Variants in SYNPR observed in about 807,000 individuals in gnomAD.
The protein encoded by SYNPR is synaptoporin.
A neutral mutation model predicts 32.9 loss-of-function variants in SYNPR; 23 were observed. The observed-to-expected ratio is 0.70, with a 90% confidence interval of 0.50 to 0.99. SYNPR has a LOEUF of 0.99. Ranked by LOEUF, SYNPR falls within the 50% of genes least tolerant of loss-of-function variation. SYNPR has a pLI of 0.00. For missense variants in SYNPR, 318 were observed against 349.3 expected (o/e 0.91, Z 0.71); for synonymous variants, 146 against 135.9 (o/e 1.07, Z -0.52).
At chr3:63,435,386 T>C (rs1057219072) in intron 2 of SYNPR, among the ~76,000 whole-genome samples, 8 of 152,356 alleles carry the variant, frequency 5.3e-5, no homozygotes, top group East Asian at 3.9e-4. Flanking sequence ...AGCACCATTA[T>C]TGGAATTAGA....
intron 2 of SYNPR, among the ~76,000 whole-genome samples, chr3:63,441,565 C>T (rs1700173566): frequency 1.3e-5 from 2 of 152,140 alleles, no homozygotes; most frequent in Admixed American, 6.5e-5. Context: ...CACTTAAATG[C>T]CGGGTGATTC....
At chr3:63,431,834 T>TC (rs1414325002) in intron 2 of SYNPR, among the ~76,000 whole-genome samples, 1 of 98,552 alleles carries the variant, frequency 1.0e-5, no homozygotes, top group East Asian at 2.8e-4. Context: ...GTTTCCCTTT[T>TC]CTTTTTTTTT....
intron 2 of SYNPR, among the ~76,000 whole-genome samples, chr3:63,440,329 A>T (rs1416102657): frequency 6.6e-6 from 1 of 152,166 alleles, no homozygotes; most frequent in Non-Finnish European, 1.5e-5. Context: ...GATAGATGAG[A>T]GGTAGACTGC....
chr3:63,283,338 A>G (rs2086647455), intron 2 of SYNPR, among the ~76,000 whole-genome samples: 1 of 103,728 alleles, frequency 9.6e-6, no homozygotes, highest in South Asian at 3.9e-4. Flanking sequence ...CCTTGAGGGG[A>G]AAGCTTTAGC....
intron 2 of SYNPR, among the ~76,000 whole-genome samples, chr3:63,255,687 T>C (rs1194745868): frequency 6.6e-6 from 1 of 151,984 alleles, no homozygotes; most frequent in Non-Finnish European, 1.5e-5. Context: ...AGAAGATGGG[T>C]GATTTCTGCA....
At chr3:63,464,910 G>C (rs1328875641) in intron 2 of SYNPR, among the ~76,000 whole-genome samples, 1 of 152,174 alleles carries the variant, frequency 6.6e-6, no homozygotes, top group Non-Finnish European at 1.5e-5. Flanking sequence ...TTTAGTTACA[G>C]AATCACTAGA....
rs113121978 is a variant in SYNPR at position 63,506,080 on chromosome 3, C to CCCTTCCTT, written c.209+25137_209+25144dup. ...TTGTCACTCAAACTTAGATGCTCCT[C>CCCTTCCTT]CCTTCCTTCCTTCCTTCCTTTTCTC... On this transcript the variant is annotated intron_variant, in intron 3 of 5. Transcript: ENST00000478300. Among the ~76,000 whole-genome samples, 164 of 150,256 alleles carry CCCTTCCTT rather than the reference C, an allele frequency of 1.1e-3. 1 individual carries two copies. Among genetic ancestry groups the CCCTTCCTT allele is most frequent in the Non-Finnish European group, 1.7e-3 (112 of 67,616 alleles).
intron 3 of SYNPR, among the ~76,000 whole-genome samples, chr3:63,506,693 A>T (rs1701595593): frequency 6.6e-6 from 1 of 152,204 alleles, no homozygotes; most frequent in African/African-American, 2.4e-5. Flanking sequence ...TCACACAATT[A>T]GTTTTTCATA....
chr3:63,358,557 A>T (rs1448798249), intron 2 of SYNPR, among the ~76,000 whole-genome samples: 2 of 152,200 alleles, frequency 1.3e-5, no homozygotes, highest in Non-Finnish European at 2.9e-5. Flanking sequence ...TAACAGGTTC[A>T]CAGCTTTCAG....
upstream of SYNPR, among the ~76,000 whole-genome samples, chr3:63,276,118 C>A (rs918144189): frequency 6.6e-6 from 1 of 152,126 alleles, no homozygotes. Flanking sequence ...GTCAGAGTAA[C>A]CTCTATATAG....
chr3:63,296,041 G>A (rs1192018039), intron 2 of SYNPR, among the ~76,000 whole-genome samples: 3 of 152,182 alleles, frequency 2.0e-5, no homozygotes, highest in Admixed American at 2.0e-4. Context: ...AACCAGGCCT[G>A]TTGGGAGCCA....
chr3:63,256,937 G>A (rs2086389476), intron 2 of SYNPR, among the ~76,000 whole-genome samples: 1 of 152,196 alleles, frequency 6.6e-6, no homozygotes, highest in Non-Finnish European at 1.5e-5. Flanking sequence ...AGCCTCAGCA[G>A]CCAATTCGAT....
intron 2 of SYNPR, among the ~76,000 whole-genome samples, chr3:63,388,777 G>C (rs1481048422): frequency 6.6e-6 from 1 of 152,058 alleles, no homozygotes; most frequent in Admixed American, 6.6e-5. Flanking sequence ...TAAAGTAAGA[G>C]TGTGCAGAGA....
intron 3 of SYNPR, among the ~76,000 whole-genome samples, chr3:63,527,598 A>G (rs1269542295): frequency 1.3e-5 from 2 of 152,112 alleles, no homozygotes; most frequent in African/African-American, 2.4e-5. Context: ...CCTTAGAACT[A>G]TCAAGAGTCC....
In SYNPR at chr3:63,353,954, G is replaced by C. The variant is rs77556482; in HGVS notation, c.84+75212G>C. Among the ~76,000 whole-genome samples the C allele has an allele frequency of 6.5e-3, 992 of 152,278 alleles. 10 individuals are homozygous for C. Among genetic ancestry groups the C allele is most frequent in the African/African-American group, 0.021 (869 of 41,558 alleles). ...AAGGACTTGGTTTCCTTAGGAGGCT[G>C]TATGTATGAAAGGGAGAAACACAGA... On this transcript the variant is annotated intron_variant, in intron 2 of 5. Transcript: ENST00000478300.
chr3:63,480,235 A>G (rs936673300), intron 2 of SYNPR, among the ~76,000 whole-genome samples: 1 of 152,174 alleles, frequency 6.6e-6, no homozygotes, highest in Admixed American at 6.5e-5. Context: ...AGAAACAGCA[A>G]CCAACACAGA....
chr3:63,459,824 G>A (rs1331009658), intron 2 of SYNPR, among the ~76,000 whole-genome samples: 2 of 151,894 alleles, frequency 1.3e-5, no homozygotes, highest in Admixed American at 6.6e-5. Context: ...CTGACAAAAC[G>A]ATTTCTATTA....
intron 5 of SYNPR, among the ~76,000 whole-genome samples, chr3:63,612,464 A>G (rs563534300): frequency 6.6e-6 from 1 of 152,306 alleles, no homozygotes; most frequent in Admixed American, 6.5e-5. Context: ...ATCTTAGTAC[A>G]TCTTTTTAGA....
chr3:63,478,676 C>T (rs1700981162), intron 2 of SYNPR, among the ~76,000 whole-genome samples: 1 of 152,164 alleles, frequency 6.6e-6, no homozygotes, highest in African/African-American at 2.4e-5. Context: ...AAGAGGGTAG[C>T]ATGTAAATAC....
Sources: allele counts gnomAD v4.1 joint callset (sites outside exome capture counted in the v4.1 genomes callset), GRCh38; gene constraint gnomAD v4.1.1; transcripts MANE v1.5; gene names NCBI Gene and HGNC (gene_info 2026-07-23, HGNC 2026-07-21).